Variants in NXPE2 observed in about 807,000 individuals in gnomAD.
The protein encoded by NXPE2 is NXPE family member 2.
In NXPE2, 34 loss-of-function variants were observed where a neutral mutation model predicts 34.4. The observed-to-expected ratio is 0.99, with a 90% confidence interval of 0.75 to 1.31. The LOEUF (loss-of-function observed/expected upper bound fraction) is 1.31. NXPE2 is among the 40% of genes most tolerant of loss of function. The pLI, the probability that NXPE2 is intolerant of heterozygous loss-of-function variation, is 0.00. For missense variants in NXPE2, 649 were observed against 672.5 expected (o/e 0.97, Z 0.39); for synonymous variants, 235 against 231.3 (o/e 1.02, Z -0.15).
chr11:114,649,637 C>T, the NXPE2 span, among the ~76,000 whole-genome samples: 9 of 152,170 alleles, frequency 5.9e-5, no homozygotes, highest in African/African-American at 2.2e-4. Context: ...TAATACACCC[C>T]TATGAAATAT....
the NXPE2 span, among the ~76,000 whole-genome samples, chr11:114,607,038 AT>A: frequency 6.6e-6 from 1 of 151,996 alleles, no homozygotes; most frequent in Non-Finnish European, 1.5e-5. Context: ...TACCCAGTGG[AT>A]AATAAGTATT....
the NXPE2 span, among the ~76,000 whole-genome samples, chr11:114,802,350 CAT>C: frequency 2.0e-5 from 3 of 152,220 alleles, no homozygotes; most frequent in Admixed American, 6.5e-5. Context: ...TTGAAGGAAA[CAT>C]AGCCACAGGC....
chr11:114,540,370 G>C, the NXPE2 span, among the ~76,000 whole-genome samples: 1 of 152,108 alleles, frequency 6.6e-6, no homozygotes, highest in African/African-American at 2.4e-5. Context: ...AACATGATTA[G>C]ATTTCAAAAA....
the NXPE2 span, among the ~76,000 whole-genome samples, chr11:114,623,667 TG>T: frequency 6.6e-6 from 1 of 151,536 alleles, no homozygotes; most frequent in African/African-American, 2.4e-5. Flanking sequence ...ACTCTTACCA[TG>T]TGGATAATAA....
chr11:114,637,351 G>A, the NXPE2 span, among the ~76,000 whole-genome samples: 1 of 151,880 alleles, frequency 6.6e-6, no homozygotes. Context: ...TTGAGCCCAT[G>A]TGTGTCTCTG....
the NXPE2 span, among the ~76,000 whole-genome samples, chr11:114,646,013 G>A: frequency 2.0e-5 from 3 of 152,082 alleles, no homozygotes; most frequent in Non-Finnish European, 4.4e-5. Context: ...GTACTTCAGA[G>A]AAAAATCTCT....
chr11:114,782,864 C>A, the NXPE2 span, among the ~76,000 whole-genome samples: 1 of 152,158 alleles, frequency 6.6e-6, no homozygotes, highest in East Asian at 1.9e-4. Context: ...TGCAGGCGTT[C>A]CAGCCAACCC....
the NXPE2 span, among the ~76,000 whole-genome samples, chr11:114,562,784 G>C: frequency 6.6e-6 from 1 of 152,230 alleles, no homozygotes; most frequent in African/African-American, 2.4e-5. Context: ...GATAAGGCTC[G>C]ATCTGTGGTT....
At chr11:114,622,338 A>G in the NXPE2 span, among the ~76,000 whole-genome samples, 1 of 151,984 alleles carries the variant, frequency 6.6e-6, no homozygotes, top group Non-Finnish European at 1.5e-5. Context: ...CCAATGCATC[A>G]TAAGTGTTGC....
chr11:114,654,838 T>C, the NXPE2 span, among the ~76,000 whole-genome samples: 1 of 152,178 alleles, frequency 6.6e-6, no homozygotes, highest in African/African-American at 2.4e-5. Context: ...ATATACCCAG[T>C]AATGGGATTG....
chr11:114,637,763 C>T, the NXPE2 span, among the ~76,000 whole-genome samples: 2 of 151,744 alleles, frequency 1.3e-5, no homozygotes, highest in Admixed American at 6.6e-5. Context: ...GTTGAAAATT[C>T]TTCTCTTTAA....
At chr11:114,585,312 T>A in the NXPE2 span, among the ~76,000 whole-genome samples, 1 of 151,976 alleles carries the variant, frequency 6.6e-6, no homozygotes, top group Non-Finnish European at 1.5e-5. Context: ...ATTTCATTAC[T>A]CCCTACCCCA....
At chr11:114,739,339 C>A in the NXPE2 span, among the ~76,000 whole-genome samples, 1 of 18,906 alleles carries the variant, frequency 5.3e-5, no homozygotes, top group Non-Finnish European at 1.3e-4. Context: ...TTCCTTCCTT[C>A]CCCCCTTCCT....
At chr11:114,613,501 C>A in the NXPE2 span, among the ~76,000 whole-genome samples, 53 of 151,732 alleles carry the variant, frequency 3.5e-4, no homozygotes, top group African/African-American at 1.2e-3. Flanking sequence ...CACTATTACC[C>A]AGTGGATAAT....
At chr11:114,506,264 C>A in the NXPE2 span, among the ~76,000 whole-genome samples, 1 of 152,140 alleles carries the variant, frequency 6.6e-6, no homozygotes, top group African/African-American at 2.4e-5. Context: ...GAGACTTAGA[C>A]TCTCATGCAA....
chr11:114,538,997 A>C, the NXPE2 span, among the ~76,000 whole-genome samples: 4 of 146,566 alleles, frequency 2.7e-5, no homozygotes, highest in Non-Finnish European at 4.5e-5. Context: ...GTGTTTATTG[A>C]GGCACTATTC....
the NXPE2 span, among the ~76,000 whole-genome samples, chr11:114,760,519 C>G: frequency 7.4e-4 from 113 of 152,294 alleles, no homozygotes; most frequent in Middle Eastern, 6.8e-3. Context: ...CCGCACTGCT[C>G]TGCCCACTGG....
At chr11:114,742,620 A>AT in the NXPE2 span, among the ~76,000 whole-genome samples, 5,832 of 133,606 alleles carry the variant, frequency 0.044, 458 homozygotes, top group African/African-American at 0.14. Flanking sequence ...TTATTCTTGG[A>AT]TTTTTTTTTT....
the NXPE2 span, among the ~76,000 whole-genome samples, chr11:114,661,391 G>A: frequency 2.0e-5 from 3 of 152,154 alleles, no homozygotes; most frequent in African/African-American, 4.8e-5. Flanking sequence ...GTCAGGCAAA[G>A]CAACTTTATT....
Sources: allele counts gnomAD v4.1 joint callset (sites outside exome capture counted in the v4.1 genomes callset), GRCh38; gene constraint gnomAD v4.1.1; transcripts MANE v1.5; gene names NCBI Gene and HGNC (gene_info 2026-07-23, HGNC 2026-07-21).